FILIP1L: variants seen among roughly 807,000 people sequenced by gnomAD.
The protein encoded by FILIP1L is filamin A-interacting protein 1-like.
FILIP1L carries 55 observed loss-of-function variants against 96.6 expected under a neutral mutation model. The ratio of observed to expected loss-of-function variants is 0.57; its 90% confidence interval spans 0.46 to 0.71. The LOEUF (loss-of-function observed/expected upper bound fraction) is 0.71, where lower values mean the gene tolerates loss of function less well. Among genes scored for constraint, FILIP1L ranks in the 30% least tolerant of loss-of-function variants. The pLI is 0.00. For missense variants in FILIP1L, 1,304 were observed against 1,321.2 expected (o/e 0.99, Z 0.20); for synonymous variants, 467 against 473.9 (o/e 0.99, Z 0.19).
At chr3:99,871,272 A>C (rs545597763) in intron 4 of FILIP1L, among the ~76,000 whole-genome samples, 1 of 152,302 alleles carries the variant, frequency 6.6e-6, no homozygotes, top group South Asian at 2.1e-4. Flanking sequence ...AAAATCTAGA[A>C]GAAGGGGCCC....
intron 1 of FILIP1L, among the ~76,000 whole-genome samples, chr3:99,959,913 G>A (rs1172908962): frequency 1.3e-5 from 2 of 152,142 alleles, no homozygotes; most frequent in South Asian, 2.1e-4. Context: ...CACTCCCATT[G>A]TACAAAGGAG....
rs1181312640 is a variant in FILIP1L, at chr3:99,848,523, G to A, written c.3153C>T (p.Ser1051=). 1 of 1,614,076 alleles carries A rather than the reference G, an allele frequency of 6.2e-7. No individual in the cohort carries two copies. Among genetic ancestry groups the A allele is most frequent in the African/African-American group, 1.3e-5 (1 of 74,930 alleles). ...TATCCTCAGTAGTTATCACACTTGAGCTATTGCTGTTTGAACGCTGAAACT... is the reference window on the plus strand; with the variant it reads ...TATCCTCAGTAGTTATCACACTTGAACTATTGCTGTTTGAACGCTGAAACT... ...SWQFQRSNSN[S]SSVITTEDNK... is the part of the protein sequence containing the mutation. Residue 1051 remains serine (S), a synonymous_variant, in exon 5 of 6, where the codon AGC becomes AGT. Coordinates refer to ENST00000477258, the MANE Select transcript of FILIP1L (RefSeq NM_001387850.1).
At chr3:100,079,232 C>T (rs2065896647) in intron 1 of FILIP1L, among the ~76,000 whole-genome samples, 1 of 152,198 alleles carries the variant, frequency 6.6e-6, no homozygotes, top group South Asian at 2.1e-4. Flanking sequence ...GGCTTGTTTA[C>T]ACCCCAAAGT....
intron 4 of FILIP1L, among the ~76,000 whole-genome samples, chr3:99,888,518 C>T (rs963630407): frequency 3.9e-5 from 6 of 152,166 alleles, no homozygotes; most frequent in African/African-American, 9.7e-5. Context: ...AACAAAAGCA[C>T]CCCTGAATAT....
chr3:99,890,841 G>A (rs1706061326), intron 4 of FILIP1L, among the ~76,000 whole-genome samples: 1 of 151,174 alleles, frequency 6.6e-6, no homozygotes, highest in Non-Finnish European at 1.5e-5. Context: ...TTCAATAATT[G>A]TATATTATTT....
chr3:99,848,467 T>C lies in FILIP1L; in HGVS notation c.3209A>G (p.Tyr1070Cys), dbSNP rs1412357410. The change falls in exon 5 of 6, where the codon TAC (tyrosine) becomes TGC (cysteine). Residue 1070 changes from tyrosine to cysteine, a missense_variant. Tyr to Cys is a radical substitution (Grantham distance 194). Coordinates refer to ENST00000477258, the MANE Select transcript of FILIP1L (RefSeq NM_001387850.1). The part of the protein sequence containing the change: ...NKIHIHLGSP[Y>C]MQAVASPVRP... The stretch of plus-strand genomic sequence containing the variant: ...CACAGGGCTGGCTACAGCTTGCATG[T>C]AAGGACTTCCTAAGTGAATGTGGAT... The C allele has an allele frequency of 6.2e-7, 1 of 1,614,090 alleles. No individual in the cohort carries two copies. The highest frequency in any genetic ancestry group is 8.5e-7 in the Non-Finnish European group (1 of 1,180,026).
intron 1 of FILIP1L, among the ~76,000 whole-genome samples, chr3:99,979,126 G>T (rs1270785721): frequency 6.6e-6 from 1 of 152,254 alleles, no homozygotes; most frequent in African/African-American, 2.4e-5. Context: ...AATGATAAAT[G>T]TTTGAGGTGA....
At chr3:99,869,256 G>A (rs540245327) in intron 4 of FILIP1L, among the ~76,000 whole-genome samples, 1 of 152,150 alleles carries the variant, frequency 6.6e-6, no homozygotes, top group Non-Finnish European at 1.5e-5. Context: ...AACTTTGCCT[G>A]TGATTCTTTG....
intron 1 of FILIP1L, among the ~76,000 whole-genome samples, chr3:99,938,105 G>A (rs1423220254): frequency 2.0e-5 from 3 of 152,146 alleles, no homozygotes; most frequent in African/African-American, 4.8e-5. Context: ...ATGCACACTC[G>A]TGCTGGGTGG....
intron 5 of FILIP1L, among the ~76,000 whole-genome samples, chr3:99,844,913 T>C (rs1012981148): frequency 2.0e-5 from 3 of 152,206 alleles, no homozygotes; most frequent in African/African-American, 7.2e-5. Context: ...GCCATGATTG[T>C]AAGTTTCCTG....
At chr3:100,044,351 T>C (rs529673528) in intron 1 of FILIP1L, among the ~76,000 whole-genome samples, 2 of 152,180 alleles carry the variant, frequency 1.3e-5, no homozygotes, top group South Asian at 4.2e-4. Flanking sequence ...ATTTACATCA[T>C]AGTATAAAGA....
chr3:100,060,912 T>G (rs528362426), intron 1 of FILIP1L, among the ~76,000 whole-genome samples: 1 of 152,120 alleles, frequency 6.6e-6, no homozygotes, highest in Non-Finnish European at 1.5e-5. Context: ...GCCATACAGA[T>G]CTATCAATGG....
At chr3:99,830,649 G>T (rs1942642601) in intron 5 of FILIP1L, 44 bp from the exon 6 acceptor site, 3 of 452,476 alleles carry the variant, frequency 6.6e-6, no homozygotes, top group South Asian at 3.1e-5. Flanking sequence ...TGGTACAGTT[G>T]GTGGAGAAGT....
At chr3:99,845,788 C>T (rs545618556) in intron 5 of FILIP1L, among the ~76,000 whole-genome samples, 3 of 152,274 alleles carry the variant, frequency 2.0e-5, no homozygotes, top group Admixed American at 1.3e-4. Flanking sequence ...ATAATCTACA[C>T]GTTATTAATC....
At chr3:99,951,209 C>G (rs1388493911) in intron 1 of FILIP1L, among the ~76,000 whole-genome samples, 1 of 152,242 alleles carries the variant, frequency 6.6e-6, no homozygotes, top group Non-Finnish European at 1.5e-5. Flanking sequence ...TCAGCTGATA[C>G]TTCCTGGAGA....
At chr3:100,077,072 C>G (rs1269242783) in intron 1 of FILIP1L, among the ~76,000 whole-genome samples, 1 of 152,206 alleles carries the variant, frequency 6.6e-6, no homozygotes, top group Non-Finnish European at 1.5e-5. Context: ...TTGCAGATTC[C>G]GGTTAGGTCT....
At chr3:99,924,466 A>C (rs533426595) in intron 3 of FILIP1L, 58 bp from the exon 4 acceptor site, 1 of 1,498,810 alleles carries the variant, frequency 6.7e-7, no homozygotes, top group African/African-American at 1.4e-5. Flanking sequence ...GTTGTCTTTC[A>C]CTCTTTTAGA....
rs77078278 is a variant in FILIP1L, at chr3:99,871,409, C to T, written c.606-20339G>A. ...AGCAACACACCTACTAATTGTACCT[C>T]GGTACTTTCCTAGGCACTGGAGGTA... is the stretch of plus-strand genomic sequence containing the variant. On this transcript the variant is annotated intron_variant, in intron 4 of 5. Coordinates refer to ENST00000477258, the MANE Select transcript of FILIP1L (RefSeq NM_001387850.1). Among the ~76,000 whole-genome samples, 472 of 152,238 alleles carry T rather than the reference C, an allele frequency of 3.1e-3. 4 individuals are homozygous for T. Among genetic ancestry groups the T allele is most frequent in the African/African-American group, 0.011 (444 of 41,534 alleles).
chr3:100,052,697 A>G (rs546070689), intron 1 of FILIP1L, among the ~76,000 whole-genome samples: 1 of 152,336 alleles, frequency 6.6e-6, no homozygotes, highest in South Asian at 2.1e-4. Context: ...ATTTTAAGAT[A>G]AGTATATTCT....
Sources: allele counts gnomAD v4.1 joint callset (sites outside exome capture counted in the v4.1 genomes callset), GRCh38; gene constraint gnomAD v4.1.1; transcripts MANE v1.5; gene names NCBI Gene and HGNC (gene_info 2026-07-23, HGNC 2026-07-21).